Variants in PANK1 observed in about 807,000 individuals in gnomAD.
The protein encoded by PANK1 is pantothenic acid kinase 1.
A neutral mutation model predicts 40.1 loss-of-function variants in PANK1; 18 were observed. The ratio of observed to expected loss-of-function variants is 0.45; its 90% confidence interval spans 0.31 to 0.67. PANK1 has a LOEUF of 0.67. PANK1 is among the 30% of genes least tolerant of loss of function. The pLI is 0.06. For synonymous variants in PANK1, 242 were observed against 237.7 expected, an observed-to-expected ratio of 1.02 and a Z score of -0.17; for missense variants, 457 against 599.6, an observed-to-expected ratio of 0.76 and a Z score of 2.48.
chr10:89,635,788 A>G (rs1488742893), intron 1 of PANK1, among the ~76,000 whole-genome samples: 2 of 152,200 alleles, frequency 1.3e-5, no homozygotes, highest in Non-Finnish European at 2.9e-5. Flanking sequence ...CTTCCAAAAT[A>G]CAATGGTGGA....
intron 2 of PANK1, among the ~76,000 whole-genome samples, chr10:89,600,896 A>G (rs1053288562): frequency 5.9e-5 from 9 of 152,198 alleles, no homozygotes; most frequent in African/African-American, 2.2e-4. Flanking sequence ...ATATAATAGC[A>G]AGTATTTACT....
rs142640241 is a variant in PANK1, at chr10:89,623,649, CAGA to C, written c.293-11604_293-11602del. 7.2e-3 allele frequency among the ~76,000 whole-genome samples: 1,099 copies of C among 152,128 alleles called. 10 individuals are homozygous for C. Among genetic ancestry groups the C allele is most frequent in the African/African-American group, 0.026 (1,061 of 41,474 alleles). On this transcript the variant is annotated intron_variant, in intron 1 of 6. Coordinates refer to ENST00000307534, the MANE Select transcript of PANK1 (RefSeq NM_148977.3). ...ATTATTTTAACTTTGCTTCAGTGAA[CAGA>C]TAGCAGGTCTGTGGTCCTGCCCATA... is the stretch of plus-strand genomic sequence containing the variant.
intron 6 of PANK1, among the ~76,000 whole-genome samples, chr10:89,584,950 A>G (rs1166012208): frequency 4.6e-5 from 7 of 152,212 alleles, no homozygotes; most frequent in Admixed American, 4.6e-4. Context: ...TACTTTGCCC[A>G]TCTGTAAAAT....
chr10:89,628,124 G>T (rs139845329), intron 1 of PANK1, among the ~76,000 whole-genome samples: 4 of 152,314 alleles, frequency 2.6e-5, no homozygotes, highest in Admixed American at 6.5e-5. Flanking sequence ...TGGCAGTTCT[G>T]CAAGAGGTTA....
At chr10:89,606,459 A>G (rs1411720556) in intron 2 of PANK1, among the ~76,000 whole-genome samples, 1 of 152,130 alleles carries the variant, frequency 6.6e-6, no homozygotes, top group East Asian at 1.9e-4. Context: ...TTGCACTTTA[A>G]TGTTATGGAC....
intron 1 of PANK1, among the ~76,000 whole-genome samples, chr10:89,640,326 T>A (rs1841934635): frequency 1.3e-5 from 2 of 152,200 alleles, no homozygotes; most frequent in Non-Finnish European, 2.9e-5. Flanking sequence ...TGTAATTCTC[T>A]TTAAATAATA....
chr10:89,610,109 A>G (rs1484860163), intron 2 of PANK1, among the ~76,000 whole-genome samples: 1 of 152,192 alleles, frequency 6.6e-6, no homozygotes, highest in Non-Finnish European at 1.5e-5. Flanking sequence ...TCTCTCTGGC[A>G]GCTTTAGTTT....
At chr10:89,635,804 C>G (rs1841787242) in intron 1 of PANK1, among the ~76,000 whole-genome samples, 1 of 152,122 alleles carries the variant, frequency 6.6e-6, no homozygotes, top group Non-Finnish European at 1.5e-5. Flanking sequence ...GTGGAATAGG[C>G]AAAGGATAGA....
At chr10:89,633,469 C>T (rs1841711469) in intron 1 of PANK1, among the ~76,000 whole-genome samples, 1 of 152,098 alleles carries the variant, frequency 6.6e-6, no homozygotes, top group Non-Finnish European at 1.5e-5. Context: ...CTGATTATCT[C>T]CTTAGTCAAA....
At chr10:89,598,328 T>C (rs1844672880) in intron 3 of PANK1, among the ~76,000 whole-genome samples, 1 of 152,194 alleles carries the variant, frequency 6.6e-6, no homozygotes, top group Non-Finnish European at 1.5e-5. Context: ...AGAAGCGATC[T>C]AAGAAACAGC....
intron 6 of PANK1, among the ~76,000 whole-genome samples, chr10:89,587,114 C>A (rs535314424): frequency 1.3e-5 from 2 of 151,142 alleles, no homozygotes; most frequent in Non-Finnish European, 2.9e-5. Context: ...CAGAGGGAGA[C>A]TCTGTCTCAA....
intron 6 of PANK1, among the ~76,000 whole-genome samples, chr10:89,587,563 T>A (rs1844232490): frequency 6.8e-6 from 1 of 147,550 alleles, no homozygotes; most frequent in Non-Finnish European, 1.5e-5. Flanking sequence ...ATCTTCTTAA[T>A]CCACTTTAAG....
intron 2 of PANK1, among the ~76,000 whole-genome samples, chr10:89,610,591 G>A (rs1230843626): frequency 6.6e-6 from 1 of 152,162 alleles, no homozygotes; most frequent in Non-Finnish European, 1.5e-5. Flanking sequence ...GATGGCACAA[G>A]TAAAATTTGC....
At chr10:89,592,649 T>C in intron 5 of PANK1, 1 of 496,610 alleles carries the variant, frequency 2.0e-6, no homozygotes, top group Admixed American at 2.1e-5. Flanking sequence ...CAAACGAATC[T>C]TGCAATGCTT....
rs141547558 is a variant in PANK1 at position 89,615,395 on chromosome 10, C to T, written c.293-3347G>A. 5.9e-3 allele frequency among the ~76,000 whole-genome samples: 899 copies of T among 152,282 alleles called. 1 individual carries two copies. The highest frequency in any genetic ancestry group is 7.9e-3 in the Non-Finnish European group (538 of 68,018). The stretch of plus-strand genomic sequence containing the variant: ...TCACTTTTAAAAACACTGTAGGTGA[C>T]GCCTGAAGATTTTTTGTTATTCAGA... On this transcript the variant is annotated intron_variant, in intron 1 of 6. Coordinates refer to ENST00000307534, the MANE Select transcript of PANK1 (RefSeq NM_148977.3).
chr10:89,638,776 T>A (rs974370886), intron 1 of PANK1, among the ~76,000 whole-genome samples: 3 of 152,210 alleles, frequency 2.0e-5, no homozygotes, highest in African/African-American at 7.2e-5. Context: ...TGAGATCTCA[T>A]CAGAATTGCC....
chr10:89,584,510 T>C, intron 6 of PANK1, 45 bp from the exon 7 acceptor site: 1 of 1,267,750 alleles, frequency 7.9e-7, no homozygotes, highest in Non-Finnish European at 1.1e-6. Flanking sequence ...CTTAGCCAAA[T>C]ATGTATTGTT....
At chr10:89,616,154 T>C (rs564459062) in intron 1 of PANK1, among the ~76,000 whole-genome samples, 3 of 150,978 alleles carry the variant, frequency 2.0e-5, no homozygotes, top group Admixed American at 1.3e-4. Flanking sequence ...AGGAAGACTT[T>C]TGCAAACAAA....
intron 5 of PANK1, among the ~76,000 whole-genome samples, chr10:89,591,967 A>G (rs1169468342): frequency 6.6e-6 from 1 of 152,206 alleles, no homozygotes; most frequent in Non-Finnish European, 1.5e-5. Context: ...GACCTTTGAG[A>G]GCCCATGAGT....
Sources: gnomAD v4.1 joint callset for allele counts (sites outside exome capture counted in the v4.1 genomes callset) on GRCh38, gnomAD v4.1.1 for gene constraint, MANE v1.5 for transcripts, NCBI Gene and HGNC (gene_info 2026-07-23, HGNC 2026-07-21) for gene names.